Variants in RDX observed in about 807,000 individuals in gnomAD.
The protein encoded by RDX is radixin, also known as deafness, autosomal recessive 24.
RDX carries 32 observed loss-of-function variants against 83.7 expected under a neutral mutation model. The ratio of observed to expected loss-of-function variants is 0.38; its 90% CI spans 0.29 to 0.51. The LOEUF is 0.51. RDX is among the 20% of genes least tolerant of loss of function. The probability of loss-of-function intolerance (pLI) is 0.87; values close to 1 mark genes in which losing one functional copy is unlikely to be tolerated. For missense variants in RDX, 600 were observed against 689.9 expected (o/e 0.87, Z 1.46); for synonymous variants, 229 against 222.7 (o/e 1.03, Z -0.25).
intron 1 of RDX, among the ~76,000 whole-genome samples, chr11:110,281,949 A>C (rs1860781258): frequency 6.6e-6 from 1 of 151,224 alleles, no homozygotes; most frequent in Non-Finnish European, 1.5e-5. Context: ...AAAAAAAAAA[A>C]AAAAAAAAAC....
At chr11:110,267,623 A>G (rs1049717948) in intron 3 of RDX, among the ~76,000 whole-genome samples, 3 of 151,612 alleles carry the variant, frequency 2.0e-5, no homozygotes, top group Non-Finnish European at 2.9e-5. Flanking sequence ...GAACCCTTCC[A>G]TTTACTTTCC....
chr11:110,295,628 AGTCT>A (rs1861417838), intron 1 of RDX, among the ~76,000 whole-genome samples: 1 of 141,974 alleles, frequency 7.0e-6, no homozygotes, highest in East Asian at 2.0e-4. Flanking sequence ...GAAGTGATGT[AGTCT>A]GTTTAAACTG....
intron 15 of RDX, among the ~76,000 whole-genome samples, chr11:110,178,736 G>A (rs561135275): frequency 6.6e-6 from 1 of 152,318 alleles, no homozygotes; most frequent in African/African-American, 2.4e-5. Flanking sequence ...TGAGGGCGCA[G>A]AGAGGAAGCT....
chr11:110,203,613 T>G (rs1436377012), intron 14 of RDX, among the ~76,000 whole-genome samples: 1 of 151,976 alleles, frequency 6.6e-6, no homozygotes, highest in African/African-American at 2.4e-5. Context: ...CATTGCATGC[T>G]TGTATCAAAA....
intron 15 of RDX, among the ~76,000 whole-genome samples, chr11:110,185,805 G>A (rs1591498234): frequency 6.6e-6 from 1 of 152,308 alleles, no homozygotes; most frequent in South Asian, 2.1e-4. Context: ...TGGCATGGAA[G>A]AGCATACTAT....
intron 1 of RDX, among the ~76,000 whole-genome samples, chr11:110,284,036 C>G (rs1386071283): frequency 6.6e-6 from 1 of 152,122 alleles, no homozygotes; most frequent in Non-Finnish European, 1.5e-5. Flanking sequence ...CTGATTAAAA[C>G]TACAAATGTT....
At chr11:110,207,662 A>G (rs1863655761) in intron 14 of RDX, among the ~76,000 whole-genome samples, 1 of 152,072 alleles carries the variant, frequency 6.6e-6, no homozygotes, top group Non-Finnish European at 1.5e-5. Context: ...TTTGTGACAC[A>G]TGAATTGTAT....
downstream of RDX, among the ~76,000 whole-genome samples, chr11:110,225,810 G>A (rs149920074): frequency 5.3e-5 from 8 of 152,130 alleles, no homozygotes; most frequent in East Asian, 1.5e-3. Flanking sequence ...ACTTTGGGAG[G>A]CCAAGGCGGG....
intron 1 of RDX, among the ~76,000 whole-genome samples, chr11:110,294,537 G>A (rs1304557183): frequency 6.6e-6 from 1 of 151,326 alleles, no homozygotes; most frequent in Admixed American, 6.6e-5. Context: ...AAAATTTATC[G>A]ACTTAAAAAA....
downstream of RDX, among the ~76,000 whole-genome samples, chr11:110,225,373 G>T (rs746821817): frequency 2.0e-5 from 3 of 152,108 alleles, no homozygotes; most frequent in Non-Finnish European, 4.4e-5. Flanking sequence ...TGGGATAATG[G>T]ATTAATATTT....
At chr11:110,252,687 C>T (rs1404117142) in intron 9 of RDX, among the ~76,000 whole-genome samples, 3 of 152,172 alleles carry the variant, frequency 2.0e-5, no homozygotes, top group Admixed American at 2.0e-4. Flanking sequence ...TTTTAAAAAG[C>T]ATTTAAGATT....
intron 2 of RDX, among the ~76,000 whole-genome samples, chr11:110,277,150 ATAAT>A (rs980100838): frequency 1.3e-5 from 2 of 152,198 alleles, no homozygotes; most frequent in African/African-American, 2.4e-5. Flanking sequence ...CCAACTGCAT[ATAAT>A]TTTGACTCTT....
At chr11:110,283,530 A>T (rs1860849088) in intron 1 of RDX, among the ~76,000 whole-genome samples, 1 of 152,214 alleles carries the variant, frequency 6.6e-6, no homozygotes, top group Non-Finnish European at 1.5e-5. Flanking sequence ...ATAACTTCAC[A>T]ATACCATTTA....
At chr11:110,274,716 A>C (rs1860443116) in intron 2 of RDX, among the ~76,000 whole-genome samples, 1 of 152,184 alleles carries the variant, frequency 6.6e-6, no homozygotes, top group Non-Finnish European at 1.5e-5. Context: ...ATACTAGTTT[A>C]ATTTTTCACC....
chr11:110,228,871 T>C (rs36011066), downstream of RDX, among the ~76,000 whole-genome samples: 4 of 151,848 alleles, frequency 2.6e-5, no homozygotes, highest in Non-Finnish European at 4.4e-5. Flanking sequence ...AGTAAAAAAA[T>C]CACTATGTGT....
intron 15 of RDX, among the ~76,000 whole-genome samples, chr11:110,190,847 T>C (rs943696168): frequency 6.6e-6 from 1 of 152,198 alleles, no homozygotes; most frequent in Admixed American, 6.5e-5. Flanking sequence ...CAAGAGGAGA[T>C]GGATAAATTC....
chr11:110,199,849 C>CT (rs1288032845), intron 14 of RDX, among the ~76,000 whole-genome samples: 19 of 151,644 alleles, frequency 1.3e-4, no homozygotes, highest in Middle Eastern at 3.4e-3. Flanking sequence ...TCTTTAACCT[C>CT]TTTTTTTTTC....
intron 5 of RDX, among the ~76,000 whole-genome samples, chr11:110,262,178 A>G (rs1450673602): frequency 6.6e-6 from 1 of 152,240 alleles, no homozygotes; most frequent in African/African-American, 2.4e-5. Flanking sequence ...TAAACAGACT[A>G]TCAGATATCT....
chr11:110,294,589 A>G (rs1435231322), intron 1 of RDX, among the ~76,000 whole-genome samples: 1 of 152,218 alleles, frequency 6.6e-6, no homozygotes, highest in Non-Finnish European at 1.5e-5. Flanking sequence ...CCAATAAACA[A>G]AAGACAACGC....
Sources: gnomAD v4.1 joint callset for allele counts (sites outside exome capture counted in the v4.1 genomes callset) on GRCh38, gnomAD v4.1.1 for gene constraint, MANE v1.5 for transcripts, NCBI Gene and HGNC (gene_info 2026-07-23, HGNC 2026-07-21) for gene names.